ZXDC: variants seen among roughly 807,000 people sequenced by gnomAD.
The protein encoded by ZXDC is ZXD family zinc finger C.
A neutral mutation model predicts 63.6 loss-of-function variants in ZXDC; 58 were observed. That is an observed-to-expected ratio of 0.91 (90% CI 0.74 to 1.13). The LOEUF is 1.13. ZXDC is among the 50% of genes most tolerant of loss of function. ZXDC has a pLI of 0.00. For missense variants in ZXDC, 1,133 were observed against 1,148.9 expected (o/e 0.99, Z 0.20); for synonymous variants, 561 against 496.1 (o/e 1.13, Z -1.74).
intron 7 of ZXDC, among the ~76,000 whole-genome samples, chr3:126,448,071 G>T (rs1189619938): frequency 6.6e-6 from 1 of 152,186 alleles, no homozygotes; most frequent in Non-Finnish European, 1.5e-5. Flanking sequence ...GGGACACGAG[G>T]ACCTACACCT....
At position 126,461,742 on chromosome 3, in the gene ZXDC, C is replaced by G. The variant is rs569926360; in HGVS notation, c.1920G>C (p.Pro640=). The part of the protein sequence containing the change: ...NSNLAAHITT[P]TSSSTPRENA... ...TTTCTCGGGGGGTGCTCGAAGAGGT[C>G]GGTGTGGTGATATGTGCTGCTAAGT... The change falls in exon 6 of 10, where the codon CCG becomes CCC. Residue 640 remains proline, a synonymous_variant. Transcript: ENST00000389709. The G allele has an allele frequency of 6.2e-7, 1 of 1,613,542 alleles. No individual in the cohort carries two copies. Among genetic ancestry groups the G allele is most frequent in the Non-Finnish European group, 8.5e-7 (1 of 1,179,920 alleles).
At chr3:126,471,762 A>T (rs913012797) in intron 3 of ZXDC, among the ~76,000 whole-genome samples, 4 of 151,956 alleles carry the variant, frequency 2.6e-5, no homozygotes, top group Non-Finnish European at 2.9e-5. Context: ...AGCTTTTTTT[A>T]AAAAAAGTAT....
Position 126,474,888 on chromosome 3 carries a change from T to G in ZXDC, c.907+71A>C, listed in dbSNP as rs186680124. On this transcript the variant is annotated intron_variant, in intron 1 of 9. Coordinates refer to ENST00000389709, the MANE Select transcript of ZXDC (RefSeq NM_025112.5). ...TGCTAAGGTCTGGCAGGCCCCTCTGTGGGGCGGACGTGGCACCCCAGACCT... is the reference window on the plus strand; with the variant it reads ...TGCTAAGGTCTGGCAGGCCCCTCTGGGGGGCGGACGTGGCACCCCAGACCT... 4 of 1,479,130 alleles carry G rather than the reference T, an allele frequency of 2.7e-6. No individual in the cohort carries two copies. In the Admixed American group the frequency reaches 8.7e-5, roughly 32 times the overall value. The allele number at this position is 1,479,130 out of a possible 1,614,324, so 91.6% of individuals were successfully genotyped here.
At chr3:126,440,423 G>C in intron 8 of ZXDC, 1 of 985,418 alleles carries the variant, frequency 1.0e-6, no homozygotes, top group Non-Finnish European at 1.2e-6. Context: ...GAGTGCTTAA[G>C]TAACCAAGAC....
Position 126,462,124 on chromosome 3 carries a change from G to A in ZXDC, c.1538C>T (p.Ala513Val). Residue 513 changes from alanine (A) to valine (V), a missense_variant, in exon 6 of 10, where the codon GCA (alanine) becomes GTA (valine). Physicochemically the swap from Ala to Val is moderately conservative, Grantham distance 64 (BLOSUM62 0). Coordinates refer to ENST00000389709, the MANE Select transcript of ZXDC (RefSeq NM_025112.5). ...QSELTNMDLA[A>V]LFSDTPANAS... is the part of the protein sequence containing the mutation. ...ATTGGCAGGTGTGTCAGAGAAGAGT[G>A]CAGCAAGATCCATGTTAGTGAGCTC... 4 of 1,613,874 alleles carry A rather than the reference G, an allele frequency of 2.5e-6. No homozygotes were observed. The highest frequency in any genetic ancestry group is 3.4e-6 in the Non-Finnish European group (4 of 1,180,032).
intron 7 of ZXDC, chr3:126,453,320 G>C (rs1934182239): frequency 1.0e-6 from 1 of 985,108 alleles, no homozygotes; most frequent in Non-Finnish European, 1.2e-6. Flanking sequence ...AGGGCCTAGG[G>C]GCCATATCCC....
intron 7 of ZXDC, among the ~76,000 whole-genome samples, chr3:126,445,031 G>GC (rs1482696384): frequency 5.3e-5 from 8 of 152,076 alleles, no homozygotes; most frequent in Non-Finnish European, 1.2e-4. Context: ...TTCTGTATCA[G>GC]CATACAATAT....
rs575008567 is a variant in ZXDC, at chr3:126,459,727, C to G, written c.2138G>C (p.Gly713Ala). 2.5e-5 allele frequency: 40 copies of G among 1,614,142 alleles called. No homozygotes were observed. The South Asian group carries it at 3.7e-4, about 15-fold the overall frequency. Residue 713 changes from glycine (G) to alanine (A), a missense_variant, in exon 7 of 10, where the codon GGC becomes GCC. Physicochemically the swap from Gly to Ala is moderately conservative, Grantham distance 60. Transcript: ENST00000389709. ...GGCTCGGTAATCAGTTCTTGCTGAG[C>G]CCCCACTTTCCTGAGACCAAAGAAA... ...GTGNFYLESGGSARTDYRAIQ... is the reference protein window; with the variant it reads ...GTGNFYLESGASARTDYRAIQ...
intron 8 of ZXDC, chr3:126,440,643 C>T: frequency 1.0e-6 from 1 of 986,460 alleles, no homozygotes; most frequent in South Asian, 4.7e-5. Context: ...TCCCCCTGCC[C>T]CTGCTCCTGG....
intron 7 of ZXDC, among the ~76,000 whole-genome samples, chr3:126,446,351 A>G (rs924148903): frequency 6.6e-6 from 1 of 152,220 alleles, no homozygotes; most frequent in African/African-American, 2.4e-5. Context: ...CGATCCAGCT[A>G]TGTGACTCAG....
In ZXDC at chr3:126,475,877, C is replaced by A; in HGVS notation, c.-12G>T. ...GCCGGGAGGTCCATCTTGGTCCCAG[C>A]GACGGCGTCGGAGCAGCTTCGGACG... On this transcript the variant is annotated 5_prime_UTR_variant, in exon 1 of 10. Transcript: ENST00000389709. 1 of 1,074,086 alleles carries A rather than the reference C, an allele frequency of 9.3e-7. No homozygotes were observed. Among genetic ancestry groups the A allele is most frequent in the Non-Finnish European group, 1.1e-6 (1 of 887,882 alleles). 66.5% of individuals were successfully genotyped at this position (1,074,086 alleles called of 1,614,324 possible). A position where few individuals can be genotyped will look rare whatever the true frequency, so the allele number is the denominator to read the frequency against.
At chr3:126,446,205 G>T (rs576051967) in intron 7 of ZXDC, among the ~76,000 whole-genome samples, 4 of 152,194 alleles carry the variant, frequency 2.6e-5, no homozygotes, top group African/African-American at 9.7e-5. Context: ...GAATCTGCAG[G>T]AGTGGGGAGA....
rs1470617235 is a variant in ZXDC at position 126,458,834 on chromosome 3, CCCTT to C, written c.2212+815_2212+818del. On this transcript the variant is annotated intron_variant, in intron 7 of 9. Transcript: ENST00000389709. ...GGTACTTTGTGAACTGTTGAGGTGTCCCTTCCTAAGTCACAATTCACACTGATGC... is the reference window on the plus strand; with the variant it reads ...GGTACTTTGTGAACTGTTGAGGTGTCCCTAAGTCACAATTCACACTGATGC... 2.9e-5 allele frequency: 29 copies of C among 985,354 alleles called. No homozygotes were observed. In the African/African-American group the frequency reaches 4.9e-4, roughly 17 times the overall value. The allele number at this position is 985,354 out of a possible 1,614,324, so 61.0% of individuals were successfully genotyped here. A position where few individuals can be genotyped will look rare whatever the true frequency, so the allele number is the denominator to read the frequency against.
chr3:126,459,075 T>C, intron 7 of ZXDC: 3 of 985,450 alleles, frequency 3.0e-6, no homozygotes, highest in Non-Finnish European at 3.6e-6. Flanking sequence ...GAAAAAGATT[T>C]AGCAGTTTCC....
At chr3:126,454,814 A>G in intron 7 of ZXDC, 1 of 985,456 alleles carries the variant, frequency 1.0e-6, no homozygotes, top group Non-Finnish European at 1.2e-6. Flanking sequence ...CAAGAATAAA[A>G]CTTGACATTT....
rs1296567229 is a variant in ZXDC, at chr3:126,475,159, C to T, written c.707G>A (p.Arg236Gln). The T allele has an allele frequency of 1.2e-6, 2 of 1,605,036 alleles. No homozygotes were observed. The highest frequency in any genetic ancestry group is 2.2e-5 in the South Asian group (2 of 89,524). The change falls in exon 1 of 10, where the codon CGG (arginine) becomes CAG (glutamine). Residue 236 changes from arginine to glutamine, a missense_variant. Arg to Gln is a conservative substitution (Grantham distance 43). Coordinates refer to ENST00000389709, the MANE Select transcript of ZXDC (RefSeq NM_025112.5). ...GCCGCCCACTGGACAGCCGAAGGGC[C>T]GCAGCTTGTCGTGCGACTGCAGGTG... ...KRHLQSHDKL[R>Q]PFGCPVGGCG...
chr3:126,461,128 T>C (rs1576679576), intron 6 of ZXDC: 41 of 990,900 alleles, frequency 4.1e-5, no homozygotes, highest in Non-Finnish European at 4.7e-5. Context: ...GAGTTTGGTA[T>C]GGTTTTAAAG....
rs746831755 is a variant in ZXDC at position 126,475,567 on chromosome 3, G to C, written c.299C>G (p.Ser100Cys). ...AAGSQEAEPGSRVNLASRPEQ... is the reference protein window; with the variant it reads ...AAGSQEAEPGCRVNLASRPEQ... ...GGGGCGGCTCGCCAGGTTGACACGG[G>C]AGCCAGGCTCGGCCTCCTGTGATCC... The change falls in exon 1 of 10, where the codon TCC (serine) becomes TGC (cysteine). Residue 100 changes from serine (S) to cysteine (C), a missense_variant. Ser to Cys is a moderately radical substitution (Grantham distance 112). Transcript: ENST00000389709. 1 of 1,423,310 alleles carries C rather than the reference G, an allele frequency of 7.0e-7. No individual in the cohort carries two copies. The highest frequency in any genetic ancestry group is 9.2e-7 in the Non-Finnish European group (1 of 1,084,266). The allele number at this position is 1,423,310 out of a possible 1,614,324, so 88.2% of individuals were successfully genotyped here. A position where few individuals can be genotyped will look rare whatever the true frequency, so the allele number is the denominator to read the frequency against.
chr3:126,475,009 T>G lies in ZXDC; in HGVS notation c.857A>C (p.His286Pro). The change falls in exon 1 of 10, where the codon CAC (histidine) becomes CCC (proline). Residue 286 changes from histidine (H) to proline (P), a missense_variant. Physicochemically the swap from His to Pro is moderately conservative, Grantham distance 77 (BLOSUM62 -2). Coordinates refer to ENST00000389709, the MANE Select transcript of ZXDC (RefSeq NM_025112.5). Reference sequence around the variant, plus strand: ...CTCGGGCTCGAAGTGGCTGCGCTGGTGGGAGCTGAGCTTGGCGTGCGTGGG... The same window carrying G: ...CTCGGGCTCGAAGTGGCTGCGCTGGGGGGAGCTGAGCTTGGCGTGCGTGGG... ...RFPTHAKLSSHQRSHFEPERP... is the reference protein window; with the variant it reads ...RFPTHAKLSSPQRSHFEPERP... The G allele has an allele frequency of 6.3e-7, 1 of 1,595,938 alleles. No individual in the cohort carries two copies. Among genetic ancestry groups the G allele is most frequent in the Non-Finnish European group, 8.5e-7 (1 of 1,172,010 alleles).
Sources: allele counts gnomAD v4.1 joint callset (sites outside exome capture counted in the v4.1 genomes callset), GRCh38; gene constraint gnomAD v4.1.1; transcripts MANE v1.5; gene names NCBI Gene and HGNC (gene_info 2026-07-23, HGNC 2026-07-21).